The following ATP6V0C variants were observed in gnomAD, a reference collection of about 807,000 sequenced individuals.
ATP6V0C encodes the protein V-type proton ATPase 16 kDa proteolipid subunit c.
Under a neutral mutation model 10.6 loss-of-function variants are expected in ATP6V0C, and 2 were observed. The ratio of observed to expected loss-of-function variants is 0.19; its 90% confidence interval spans 0.08 to 0.59. The LOEUF (loss-of-function observed/expected upper bound fraction) is 0.59, where lower values mean the gene tolerates loss of function less well. Among genes scored for constraint, ATP6V0C ranks in the 20% least tolerant of loss-of-function variants. The pLI, the probability that ATP6V0C is intolerant of heterozygous loss-of-function variation, is 0.90. For synonymous variants in ATP6V0C, 128 were observed against 101.3 expected (o/e 1.26, Z -1.59); for missense variants, 89 against 225.9 (o/e 0.39, Z 3.88).
intron 1 of ATP6V0C, chr16:2,516,627 C>T (rs568465368): frequency 6.6e-6 from 1 of 152,548 alleles, no homozygotes; most frequent in African/African-American, 2.4e-5. Context: ...TCTTGCAGGC[C>T]CCCGTCCCAG....
In ATP6V0C at chr16:2,519,779, T is replaced by C. The variant is rs1338917494; in HGVS notation, c.*34T>C. 4 of 1,583,168 alleles carry C rather than the reference T, an allele frequency of 2.5e-6. No individual in the cohort carries two copies. The highest frequency in any genetic ancestry group is 2.3e-5 in the East Asian group (1 of 44,210). On this transcript the variant is annotated 3_prime_UTR_variant, in exon 3 of 3. Transcript: ENST00000330398. ...CGAGCCCACCAGCCACAGAATATTA[T>C]GTAAAGACCACCCCTCCTCATTCCA...
In ATP6V0C at chr16:2,514,271, T is replaced by C. The variant is rs2065865617; in HGVS notation, c.79+89T>C. The C allele has an allele frequency of 1.0e-5, 14 of 1,364,282 alleles. 1 individual carries two copies. The highest frequency in any genetic ancestry group is 5.6e-5 in the South Asian group (4 of 71,752). The allele number at this position is 1,364,282 out of a possible 1,614,324, so 84.5% of individuals were successfully genotyped here. ...GCCGGGGTCCGGTGTGTGACGTCACTCTGACGTAATCCCGAGCTGTCGGGG... is the reference window on the plus strand; with the variant it reads ...GCCGGGGTCCGGTGTGTGACGTCACCCTGACGTAATCCCGAGCTGTCGGGG... On this transcript the variant is annotated intron_variant, in intron 1 of 2. Coordinates refer to ENST00000330398, the MANE Select transcript of ATP6V0C (RefSeq NM_001694.4).
In ATP6V0C at chr16:2,514,197, G is replaced by C; in HGVS notation, c.79+15G>C. The C allele has an allele frequency of 2.6e-6, 4 of 1,542,596 alleles. No individual in the cohort carries two copies. Among genetic ancestry groups the C allele is most frequent in the Middle Eastern group, 3.8e-4 (2 of 5,306 alleles). ...GGTCTTCAGCGGTGAGCGCGGCGGC[G>C]GGAGGGACTCGGGGGCGGGGGCGCG... On this transcript the variant is annotated intron_variant, in intron 1 of 2. Coordinates refer to ENST00000330398, the MANE Select transcript of ATP6V0C (RefSeq NM_001694.4).
In ATP6V0C at chr16:2,519,862, C is replaced by T. The variant is rs2065900619; in HGVS notation, c.*117C>T. The T allele has an allele frequency of 1.5e-6, 2 of 1,332,638 alleles. No individual in the cohort carries two copies. The highest frequency in any genetic ancestry group is 2.4e-5 in the East Asian group (1 of 42,236). 82.6% of individuals were successfully genotyped at this position (1,332,638 alleles called of 1,614,324 possible). Reference sequence around the variant, plus strand: ...GCCGCCCCCAGTAGTTGGTCTTGTACATGCGCAGTGTCCTAGTGCCCATCG... The same window carrying T: ...GCCGCCCCCAGTAGTTGGTCTTGTATATGCGCAGTGTCCTAGTGCCCATCG... On this transcript the variant is annotated 3_prime_UTR_variant, in exon 3 of 3. Transcript: ENST00000330398.
At chr16:2,517,426 C>T (rs2065882011) in intron 1 of ATP6V0C, 1 of 152,358 alleles carries the variant, frequency 6.6e-6, no homozygotes, top group African/African-American at 2.4e-5. Context: ...CAGGTGCTAT[C>T]CAGAGCCCTT....
chr16:2,519,017 G>C (rs2065893003), intron 1 of ATP6V0C: 1 of 558,818 alleles, frequency 1.8e-6, no homozygotes, highest in South Asian at 2.4e-5. Context: ...GGAAGGAGGA[G>C]TGGCTGTCCT....
At chr16:2,517,135 G>C (rs2065880690) in intron 1 of ATP6V0C, 1 of 152,488 alleles carries the variant, frequency 6.6e-6, no homozygotes, top group South Asian at 2.1e-4. Flanking sequence ...GATGCAGTTG[G>C]ATGTGGTCCT....
intron 1 of ATP6V0C, 140 bp downstream of exon 1, chr16:2,514,322 G>A: frequency 1.1e-6 from 1 of 918,124 alleles, no homozygotes; most frequent in Non-Finnish European, 1.5e-6. Context: ...GTGACAGCGG[G>A]CGGGGGTCGG....
intron 1 of ATP6V0C, among the ~76,000 whole-genome samples, chr16:2,516,360 C>T (rs925672609): frequency 2.6e-5 from 4 of 152,172 alleles, no homozygotes; most frequent in African/African-American, 7.2e-5. Context: ...GATCCACCTG[C>T]TTCTGCCTCG....
chr16:2,519,487 T>C, intron 2 of ATP6V0C, 54 bp from the exon 3 acceptor site: 2 of 1,546,436 alleles, frequency 1.3e-6, no homozygotes, highest in South Asian at 1.2e-5. Context: ...CCCGGACCCT[T>C]GTCTCCCCCT....
chr16:2,516,325 T>C (rs1015880244), intron 1 of ATP6V0C, among the ~76,000 whole-genome samples: 1 of 151,950 alleles, frequency 6.6e-6, no homozygotes, highest in Non-Finnish European at 1.5e-5. Context: ...CTCAGGCTGG[T>C]CTCAAACTCC....
intron 1 of ATP6V0C, 118 bp downstream of exon 1, chr16:2,514,300 C>T: frequency 2.6e-6 from 3 of 1,168,744 alleles, no homozygotes; most frequent in Non-Finnish European, 3.4e-6. Flanking sequence ...GTCGGGGGCG[C>T]CCGGGCCTCG....
chr16:2,519,188 C>T, intron 1 of ATP6V0C, 30 bp from the exon 2 acceptor site: 1 of 1,590,606 alleles, frequency 6.3e-7, no homozygotes, highest in Non-Finnish European at 8.6e-7. Flanking sequence ...CTGCGTACTG[C>T]TGTGGGCTCA....
At chr16:2,515,346 C>A (rs1236553742) in intron 1 of ATP6V0C, among the ~76,000 whole-genome samples, 1 of 152,108 alleles carries the variant, frequency 6.6e-6, no homozygotes, top group Non-Finnish European at 1.5e-5. Flanking sequence ...CCGTGCCCTG[C>A]CCCACCCTGC....
intron 1 of ATP6V0C, 52 bp downstream of exon 1, chr16:2,514,234 T>C: frequency 6.8e-7 from 1 of 1,478,906 alleles, no homozygotes. Context: ...GCGTTGCTCA[T>C]GCCCGCAGCT....
At chr16:2,515,196 A>G (rs2065871247) in intron 1 of ATP6V0C, among the ~76,000 whole-genome samples, 1 of 152,010 alleles carries the variant, frequency 6.6e-6, no homozygotes, top group Non-Finnish European at 1.5e-5. Context: ...TCTCCCTGGG[A>G]GAATGGCACT....
rs2065901030 is a variant in ATP6V0C at position 2,519,898 on chromosome 16, C to T, written c.*153C>T. On this transcript the variant is annotated 3_prime_UTR_variant, in exon 3 of 3. Transcript: ENST00000330398. ...TCCTAGTGCCCATCGTCTGTTTCCC[C>T]GGCCTTGCCCCCGCCCGCCCCGTGC... 7.0e-6 allele frequency: 8 copies of T among 1,136,168 alleles called. No individual in the cohort carries two copies. In the Admixed American group the frequency reaches 7.9e-5, roughly 11 times the overall value. 70.4% of individuals were successfully genotyped at this position (1,136,168 alleles called of 1,614,324 possible).
intron 1 of ATP6V0C, 74 bp downstream of exon 1, chr16:2,514,256 G>A (rs1325023074): frequency 1.4e-6 from 2 of 1,429,366 alleles, no homozygotes; most frequent in East Asian, 2.9e-5. Context: ...GCCGGGGTCC[G>A]GTGTGTGACG....
chr16:2,515,675 C>T (rs2065873907), intron 1 of ATP6V0C, among the ~76,000 whole-genome samples: 1 of 152,148 alleles, frequency 6.6e-6, no homozygotes, highest in South Asian at 2.1e-4. Flanking sequence ...TCTTTGCCCT[C>T]AGAATGCCTT....
Sources: allele counts gnomAD v4.1 joint callset (sites outside exome capture counted in the v4.1 genomes callset), GRCh38; gene constraint gnomAD v4.1.1; transcripts MANE v1.5; gene names NCBI Gene and HGNC (gene_info 2026-07-23, HGNC 2026-07-21).